RARG: variants seen among roughly 807,000 people sequenced by gnomAD.
The protein encoded by RARG is RAR-gamma.
RARG carries 17 observed loss-of-function variants against 43.7 expected under a neutral mutation model. The observed-to-expected ratio is 0.39, with a 90% CI of 0.27 to 0.58. The LOEUF is 0.58. RARG is among the 20% of genes least tolerant of loss of function. RARG has a pLI of 0.57. For missense variants in RARG, 346 were observed against 598.7 expected, an observed-to-expected ratio of 0.58 and a Z score of 4.40; for synonymous variants, 238 against 236.4, an observed-to-expected ratio of 1.01 and a Z score of -0.06.
intron 3 of RARG, among the ~76,000 whole-genome samples, chr12:53,221,933 G>A (rs1942977168): frequency 6.6e-6 from 1 of 151,726 alleles, no homozygotes; most frequent in African/African-American, 2.4e-5. Flanking sequence ...GGCGCACTGG[G>A]GTGCTGCAGG....
rs771770848 is a variant in RARG, at chr12:53,213,066, A to T, written c.1177+19T>A. ...ACAGCCCTGGGAAGACAGAGAGGGG[A>T]CACCCACTCATGACTCACCCTTAGT... On this transcript the variant is annotated intron_variant, in intron 9 of 9. Transcript: ENST00000425354. This position sits in a 1 kb window ranked among gnomAD's most constrained non-coding sequence, Gnocchi z 4.7. 6.3e-7 allele frequency: 1 copy of T among 1,598,724 alleles called. No homozygotes were observed. The highest frequency in any genetic ancestry group is 1.1e-5 in the South Asian group (1 of 88,966).
At chr12:53,219,911 C>T in intron 3 of RARG, 2 of 1,463,902 alleles carry the variant, frequency 1.4e-6, no homozygotes, top group Non-Finnish European at 1.8e-6. Flanking sequence ...CCCACCCTCT[C>T]CTGCACCCTA....
chr12:53,216,853 C>T lies in RARG; in HGVS notation c.185-1059G>A, dbSNP rs926927059. 2.9e-3 allele frequency among the ~76,000 whole-genome samples: 342 copies of T among 117,934 alleles called. 1 individual carries two copies. The highest frequency in any genetic ancestry group is 0.013 in the African/African-American group (311 of 23,820). The allele number at this position is 117,934 out of a possible 152,430, so 77.4% of individuals were successfully genotyped here. A position where few individuals can be genotyped will look rare whatever the true frequency, so the allele number is the denominator to read the frequency against. Reference sequence around the variant, plus strand: ...GTGTGTGTGTGTGTGCGCGCGCGCGCGCGCGCGCGTGTGGTTGGTCTTCAG... The same window carrying T: ...GTGTGTGTGTGTGTGCGCGCGCGCGTGCGCGCGCGTGTGGTTGGTCTTCAG... On this transcript the variant is annotated intron_variant, in intron 3 of 9. Coordinates refer to ENST00000425354, the MANE Select transcript of RARG (RefSeq NM_000966.6).
intron 3 of RARG, among the ~76,000 whole-genome samples, chr12:53,217,554 C>T (rs185310963): frequency 1.8e-3 from 268 of 152,316 alleles, no homozygotes; most frequent in African/African-American, 6.1e-3. Flanking sequence ...GCAACTTTTC[C>T]TGTCTAAGTG....
intron 2 of RARG, among the ~76,000 whole-genome samples, chr12:53,230,879 G>A (rs57343307): frequency 7.2e-6 from 1 of 139,684 alleles, no homozygotes; most frequent in African/African-American, 2.8e-5. Context: ...GTGTGTGTGT[G>A]TGTATGTCTG....
In RARG at chr12:53,232,006, C is replaced by G; in HGVS notation, c.-242G>C. 2.5e-6 allele frequency: 1 copy of G among 397,626 alleles called. No homozygotes were observed. Among genetic ancestry groups the G allele is most frequent in the Non-Finnish European group, 4.4e-6 (1 of 225,506 alleles). 24.6% of individuals were successfully genotyped at this position (397,626 alleles called of 1,614,324 possible). ...GGGAGGGGGAAGGGAGGCGGCGGAG[C>G]CCCGAGGTCCCGGCGTCGGGCAGTC... On this transcript the variant is annotated 5_prime_UTR_variant, in exon 1 of 10. Transcript: ENST00000425354.
At position 53,215,530 on chromosome 12, in the gene RARG, C is replaced by A; in HGVS notation, c.334-96G>T. On this transcript the variant is annotated intron_variant, in intron 4 of 9. Coordinates refer to ENST00000425354, the MANE Select transcript of RARG (RefSeq NM_000966.6). This position sits in a 1 kb window ranked among gnomAD's most constrained non-coding sequence, Gnocchi z 6.4. ...CAGGTTGCCCCAAGCCTGACCTAATCTATTAACCACCTATGTGCAAAGCAG... is the reference window on the plus strand; with the variant it reads ...CAGGTTGCCCCAAGCCTGACCTAATATATTAACCACCTATGTGCAAAGCAG... 1 of 1,590,460 alleles carries A rather than the reference C, an allele frequency of 6.3e-7. No individual in the cohort carries two copies.
rs1942683389 is a variant in RARG, at chr12:53,213,967, GC to G, written c.813+91del. Reference sequence around the variant, plus strand: ...GAGTCCCACATGTGTGGCAGGGGGTGCAGGGTAAGGAAATCTTTGCATGGAT... The same window carrying G: ...GAGTCCCACATGTGTGGCAGGGGGTGAGGGTAAGGAAATCTTTGCATGGAT... On this transcript the variant is annotated intron_variant, in intron 7 of 9. Coordinates refer to ENST00000425354, the MANE Select transcript of RARG (RefSeq NM_000966.6). The surrounding 1 kb of genome is among the most constrained non-coding windows in gnomAD (Gnocchi z 4.7). The G allele has an allele frequency of 1.1e-5, 15 of 1,405,298 alleles. No individual in the cohort carries two copies. The highest frequency in any genetic ancestry group is 1.3e-5 in the Non-Finnish European group (13 of 1,021,784). The allele number at this position is 1,405,298 out of a possible 1,614,324, so 87.1% of individuals were successfully genotyped here.
At chr12:53,228,481 C>T (rs1370623621) in intron 2 of RARG, among the ~76,000 whole-genome samples, 2 of 152,226 alleles carry the variant, frequency 1.3e-5, no homozygotes, top group East Asian at 3.8e-4. Flanking sequence ...TACTCTGCTT[C>T]AGTAAGCACT....
chr12:53,230,879 G>GTGTGTA (rs1555182759), intron 2 of RARG, among the ~76,000 whole-genome samples: 4 of 139,788 alleles, frequency 2.9e-5, no homozygotes, highest in African/African-American at 1.1e-4. Flanking sequence ...GTGTGTGTGT[G>GTGTGTA]TGTATGTCTG....
chr12:53,228,852 G>A (rs1191534095), intron 2 of RARG, among the ~76,000 whole-genome samples: 1 of 152,170 alleles, frequency 6.6e-6, no homozygotes, highest in African/African-American at 2.4e-5. Flanking sequence ...GGGATTACAG[G>A]CGTGAGCGAC....
At chr12:53,212,121 G>C (rs1298749874) in intron 9 of RARG, among the ~76,000 whole-genome samples, 1 of 152,162 alleles carries the variant, frequency 6.6e-6, no homozygotes, top group Non-Finnish European at 1.5e-5. Flanking sequence ...TCTTCAGCGA[G>C]CGCAATGCAC....
At chr12:53,224,562 ACT>A (rs1212079025) in intron 3 of RARG, among the ~76,000 whole-genome samples, 1 of 151,208 alleles carries the variant, frequency 6.6e-6, no homozygotes, top group African/African-American at 2.4e-5. Context: ...GAGAGAGGAC[ACT>A]CTCTCATCCT....
rs867197890 is a variant in RARG, at chr12:53,214,569, C to T, written c.513G>A (p.Val171=). The change falls in exon 6 of 10, where the codon GTG becomes GTA. Residue 171 remains valine (V), a synonymous_variant. Coordinates refer to ENST00000425354, the MANE Select transcript of RARG (RefSeq NM_000966.6). ...AGCTGTCAGGTGACCCTTCTTCCTTCACCTCTTTCTTCTTCTTGTTCCGGT... is the reference window on the plus strand; with the variant it reads ...AGCTGTCAGGTGACCCTTCTTCCTTTACCTCTTTCTTCTTCTTGTTCCGGT... The part of the protein sequence containing the change: ...RNDRNKKKKE[V]KEEGSPDSYE... The T allele has an allele frequency of 1.9e-6, 3 of 1,610,736 alleles. No homozygotes were observed. The Middle Eastern group carries it at 5.0e-4, about 266-fold the overall frequency.
intron 2 of RARG, among the ~76,000 whole-genome samples, chr12:53,230,899 G>C (rs928862266): frequency 2.7e-5 from 4 of 150,126 alleles, no homozygotes; most frequent in Non-Finnish European, 4.4e-5. Flanking sequence ...GTCTATATGG[G>C]ATACCCAAGC....
chr12:53,218,935 C>T (rs1405621023), intron 3 of RARG, among the ~76,000 whole-genome samples: 1 of 152,148 alleles, frequency 6.6e-6, no homozygotes, highest in Non-Finnish European at 1.5e-5. Flanking sequence ...CTGGCCCCTC[C>T]CCACACCCCA....
In RARG at chr12:53,210,982, C is replaced by T. The variant is rs1360769597; in HGVS notation, c.*694G>A. The stretch of plus-strand genomic sequence containing the variant: ...CTGTAGTGTAGGAGGGTCCCTGCCC[C>T]AATGGCTGAGATGGAGGGCAGGAGG... On this transcript the variant is annotated 3_prime_UTR_variant, in exon 10 of 10. Transcript: ENST00000425354. The T allele has an allele frequency of 1.3e-5, 2 of 152,752 alleles. No homozygotes were observed. The highest frequency in any genetic ancestry group is 4.8e-5 in the African/African-American group (2 of 41,436). 9.5% of individuals were successfully genotyped at this position (152,752 alleles called of 1,614,324 possible).
At chr12:53,214,881 G>C in intron 5 of RARG, 1 of 447,430 alleles carries the variant, frequency 2.2e-6, no homozygotes, top group Non-Finnish European at 4.0e-6. Flanking sequence ...GGGGAGGGGG[G>C]GCAGGATATG....
chr12:53,214,197 C>A lies in RARG; in HGVS notation c.675G>T (p.Gly225=). 1 of 1,613,758 alleles carries A rather than the reference C, an allele frequency of 6.2e-7. No homozygotes were observed. Among genetic ancestry groups the A allele is most frequent in the Non-Finnish European group, 8.5e-7 (1 of 1,179,662 alleles). The stretch of plus-strand genomic sequence containing the variant: ...CCAGCTCACTGAACTTGTCCCACAG[C>A]CCCAGATCCAGCTGCACGCGGTGGT... The part of the protein sequence containing the change: ...SADHRVQLDL[G]LWDKFSELAT... The change falls in exon 7 of 10, where the codon GGG becomes GGT. Residue 225 remains glycine (G), a synonymous_variant. Coordinates refer to ENST00000425354, the MANE Select transcript of RARG (RefSeq NM_000966.6).
Sources: allele counts gnomAD v4.1 joint callset (sites outside exome capture counted in the v4.1 genomes callset), GRCh38; gene constraint gnomAD v4.1.1; non-coding constraint Gnocchi (gnomAD v3.1); transcripts MANE v1.5; gene names NCBI Gene and HGNC (gene_info 2026-07-23, HGNC 2026-07-21).